The following PAPPA variants were observed in gnomAD, a reference collection of about 807,000 sequenced individuals.
PAPPA encodes pappalysin-1.
A neutral mutation model predicts 164.0 loss-of-function variants in PAPPA; 60 were observed. The ratio of observed to expected loss-of-function variants is 0.37; its 90% CI spans 0.30 to 0.45. PAPPA has a LOEUF of 0.45. Among genes scored for constraint, PAPPA ranks in the 20% least tolerant of loss-of-function variants. The pLI is 1.00. For synonymous variants in PAPPA, 875 were observed against 814.1 expected (o/e 1.07, Z -1.27); for missense variants, 1,782 against 2,087.3 (o/e 0.85, Z 2.85).
At chr9:116,278,104 G>A (rs1470610251) in intron 9 of PAPPA, among the ~76,000 whole-genome samples, 1 of 152,212 alleles carries the variant, frequency 6.6e-6, no homozygotes, top group Non-Finnish European at 1.5e-5. Flanking sequence ...CAGAGACATA[G>A]CAGACGTGAG....
chr9:116,291,331 G>A (rs1445443196), intron 9 of PAPPA, among the ~76,000 whole-genome samples: 1 of 152,048 alleles, frequency 6.6e-6, no homozygotes, highest in Non-Finnish European at 1.5e-5. Flanking sequence ...GAGGCATGAT[G>A]TCTCATAGGA....
chr9:116,285,200 T>C (rs1845322406), intron 9 of PAPPA, among the ~76,000 whole-genome samples: 1 of 115,388 alleles, frequency 8.7e-6, no homozygotes. Context: ...TGACAGATTC[T>C]CACTTTGTTG....
intron 1 of PAPPA, among the ~76,000 whole-genome samples, chr9:116,178,800 C>A (rs1297553073): frequency 1.3e-5 from 2 of 152,222 alleles, no homozygotes; most frequent in Non-Finnish European, 2.9e-5. Flanking sequence ...GGAGCCCTGA[C>A]TTTCCCATCC....
At chr9:116,197,795 A>G (rs779258973) in intron 2 of PAPPA, among the ~76,000 whole-genome samples, 13 of 152,212 alleles carry the variant, frequency 8.5e-5, no homozygotes, top group Non-Finnish European at 1.3e-4. Flanking sequence ...GCCTAAGGTT[A>G]GGTGATTTGT....
intron 9 of PAPPA, among the ~76,000 whole-genome samples, chr9:116,279,898 C>A (rs1845246856): frequency 6.6e-6 from 1 of 152,128 alleles, no homozygotes; most frequent in South Asian, 2.1e-4. Context: ...GAGCTGTGAT[C>A]TCTACTTGAA....
At chr9:116,231,760 C>CTTTTTTTTTTTTTT (rs1470170244) in intron 6 of PAPPA, among the ~76,000 whole-genome samples, 1 of 2,824 alleles carries the variant, frequency 3.5e-4, no homozygotes, top group African/African-American at 1.3e-3. Flanking sequence ...CTTTTCTTTT[C>CTTTTTTTTTTTTTT]TTTTTCTTTT....
intron 2 of PAPPA, among the ~76,000 whole-genome samples, chr9:116,197,843 A>G (rs1308334967): frequency 1.3e-5 from 2 of 152,246 alleles, no homozygotes; most frequent in African/African-American, 4.8e-5. Context: ...AGACATTGCC[A>G]TTTTAACACA....
rs1847017267 is a variant in PAPPA at position 116,399,462 on chromosome 9, T to C, written c.*2846T>C. The C allele has an allele frequency of 6.6e-6, 1 of 152,602 alleles. No individual in the cohort carries two copies. Among genetic ancestry groups the C allele is most frequent in the South Asian group, 2.1e-4 (1 of 4,826 alleles). The allele number at this position is 152,602 out of a possible 1,614,324, so 9.5% of individuals were successfully genotyped here. The stretch of plus-strand genomic sequence containing the variant: ...CATTTTCTTCCTGGGAATTAACTCG[T>C]CATTTCATTCCTTCAGTCATCTTCT... On this transcript the variant is annotated 3_prime_UTR_variant, in exon 22 of 22. Transcript: ENST00000328252.
chr9:116,377,727 C>CAAAGGATAGCCAACA, intron 20 of PAPPA, 80 bp downstream of exon 20: 1 of 1,084,102 alleles, frequency 9.2e-7, no homozygotes. Flanking sequence ...TTAATGTTGG[C>CAAAGGATAGCCAACA]TATCCTTTGC....
At chr9:116,239,662 C>T (rs567137334) in intron 7 of PAPPA, among the ~76,000 whole-genome samples, 1 of 152,224 alleles carries the variant, frequency 6.6e-6, no homozygotes, top group Admixed American at 6.5e-5. Flanking sequence ...AGCTTAAATT[C>T]AGAGAGTAAT....
chr9:116,173,102 A>G (rs1173502395), intron 1 of PAPPA, among the ~76,000 whole-genome samples: 1 of 152,232 alleles, frequency 6.6e-6, no homozygotes, highest in East Asian at 1.9e-4. Context: ...GGTCAGCTAG[A>G]GACCAGGATC....
At chr9:116,384,820 G>A (rs573661050) in intron 21 of PAPPA, among the ~76,000 whole-genome samples, 3 of 152,282 alleles carry the variant, frequency 2.0e-5, no homozygotes, top group East Asian at 1.9e-4. Context: ...GTGAATGGAC[G>A]ATGAAGTTTG....
chr9:116,277,622 A>T (rs943804892), intron 9 of PAPPA, among the ~76,000 whole-genome samples: 1 of 152,228 alleles, frequency 6.6e-6, no homozygotes, highest in Admixed American at 6.5e-5. Context: ...GACAAGTGTT[A>T]TAGATGTGTT....
intron 9 of PAPPA, among the ~76,000 whole-genome samples, chr9:116,281,520 G>A (rs1845267011): frequency 6.6e-6 from 1 of 152,102 alleles, no homozygotes; most frequent in South Asian, 2.1e-4. Flanking sequence ...AGGCTAAAAA[G>A]GGTGGCCAGA....
chr9:116,236,239 G>A (rs533723232), intron 7 of PAPPA, among the ~76,000 whole-genome samples: 2 of 152,022 alleles, frequency 1.3e-5, no homozygotes, highest in African/African-American at 4.8e-5. Flanking sequence ...TTAGGTTTCC[G>A]TAACTCTTTC....
intron 9 of PAPPA, among the ~76,000 whole-genome samples, chr9:116,285,171 C>CTTTTTTTTTTTTTTTTTTTTTTTTTT: frequency 1.9e-4 from 17 of 89,484 alleles, no homozygotes; most frequent in South Asian, 4.6e-4. Context: ...TTCTTTCTTT[C>CTTTTTTTTTTTTTTTTTTTTTTTTTT]TTTTTTTTTT....
Position 116,372,235 on chromosome 9 carries a change from A to G in PAPPA, c.4605+4481A>G, listed in dbSNP as rs183094048. On this transcript the variant is annotated intron_variant, in intron 19 of 21. Coordinates refer to ENST00000328252, the MANE Select transcript of PAPPA (RefSeq NM_002581.5). ...CAGGGAATGGTGGGGACTATGGCAA[A>G]CTATGGAAAACACAGTTGTTGTTTT... Among the ~76,000 whole-genome samples the G allele has an allele frequency of 5.0e-4, 76 of 152,260 alleles. 1 individual carries two copies. Among genetic ancestry groups the G allele is most frequent in the East Asian group, 2.1e-3 (11 of 5,172 alleles).
At chr9:116,240,661 C>T (rs1372675067) in intron 7 of PAPPA, among the ~76,000 whole-genome samples, 1 of 152,122 alleles carries the variant, frequency 6.6e-6, no homozygotes, top group East Asian at 1.9e-4. Context: ...TCCCAACAAC[C>T]CCACAATGTA....
chr9:116,206,570 G>A (rs1227572670), intron 2 of PAPPA, among the ~76,000 whole-genome samples: 1 of 152,146 alleles, frequency 6.6e-6, no homozygotes, highest in African/African-American at 2.4e-5. Context: ...GGGCTCACCA[G>A]GTATCAAGCT....
Sources: allele counts gnomAD v4.1 joint callset (sites outside exome capture counted in the v4.1 genomes callset), GRCh38; gene constraint gnomAD v4.1.1; transcripts MANE v1.5; gene names NCBI Gene and HGNC (gene_info 2026-07-23, HGNC 2026-07-21).